ASAP1: variants seen among roughly 807,000 people sequenced by gnomAD.
ASAP1 encodes the protein ArfGAP with SH3 domain, ankyrin repeat and PH domain 1, also known as arf-GAP with SH3 domain, ANK repeat and PH domain-containing protein 1.
In ASAP1, 43 loss-of-function variants were observed where a neutral mutation model predicts 145.2. The observed-to-expected ratio is 0.30, with a 90% CI of 0.23 to 0.38. The LOEUF (loss-of-function observed/expected upper bound fraction) is 0.38, where lower values mean the gene tolerates loss of function less well. Ranked by LOEUF, ASAP1 falls within the 10% of genes least tolerant of loss-of-function variation. The pLI, the probability that ASAP1 is intolerant of heterozygous loss-of-function variation, is 1.00. For synonymous variants in ASAP1, 546 were observed against 515.5 expected (o/e 1.06, Z -0.80); for missense variants, 1,018 against 1,355.3 (o/e 0.75, Z 3.91).
chr8:130,112,477 A>T, intron 23 of ASAP1, 155 bp from the exon 24 acceptor site: 1 of 606,380 alleles, frequency 1.6e-6, no homozygotes, highest in Non-Finnish European at 2.9e-6. Context: ...ATGCTGACAC[A>T]GTACAAGGGA....
chr8:130,430,312 T>C (rs1197584367), intron 1 of ASAP1, among the ~76,000 whole-genome samples: 1 of 152,180 alleles, frequency 6.6e-6, no homozygotes, highest in Non-Finnish European at 1.5e-5. Flanking sequence ...AAAGAAAACC[T>C]GTGTGTTTGT....
intron 5 of ASAP1, among the ~76,000 whole-genome samples, chr8:130,213,755 T>TA (rs1377331136): frequency 1.5e-4 from 23 of 152,222 alleles, no homozygotes; most frequent in Admixed American, 3.9e-4. Flanking sequence ...GGGTGGCTCT[T>TA]AGAGAAATAA....
chr8:130,265,167 G>A (rs1820167523), intron 3 of ASAP1, among the ~76,000 whole-genome samples: 1 of 152,182 alleles, frequency 6.6e-6, no homozygotes, highest in African/African-American at 2.4e-5. Context: ...AGCACCTAGA[G>A]CAGGCAGAAT....
At chr8:130,347,443 T>C (rs1825762633) in intron 3 of ASAP1, among the ~76,000 whole-genome samples, 1 of 152,212 alleles carries the variant, frequency 6.6e-6, no homozygotes, top group Admixed American at 6.5e-5. Flanking sequence ...TTCCTACTGA[T>C]TCTCCCAACA....
intron 5 of ASAP1, among the ~76,000 whole-genome samples, chr8:130,199,467 C>T (rs1026653857): frequency 1.3e-5 from 2 of 152,310 alleles, no homozygotes; most frequent in Non-Finnish European, 2.9e-5. Flanking sequence ...GTTAGAACTG[C>T]TCCCAGGATA....
At chr8:130,120,656 A>G (rs1273329891) in intron 18 of ASAP1, among the ~76,000 whole-genome samples, 1 of 152,216 alleles carries the variant, frequency 6.6e-6, no homozygotes, top group Non-Finnish European at 1.5e-5. Flanking sequence ...GTCACTGGAA[A>G]TATCATGCAG....
intron 15 of ASAP1, among the ~76,000 whole-genome samples, chr8:130,132,635 A>C (rs895694209): frequency 8.5e-5 from 13 of 152,300 alleles, no homozygotes; most frequent in African/African-American, 3.1e-4. Context: ...CACCTGCACC[A>C]TGTCGTACCA....
At chr8:130,330,140 G>A (rs1015839497) in intron 3 of ASAP1, among the ~76,000 whole-genome samples, 12 of 152,192 alleles carry the variant, frequency 7.9e-5, no homozygotes, top group African/African-American at 2.9e-4. Context: ...AACAGAGAAA[G>A]ACACACATGT....
At chr8:130,432,949 G>T (rs1469309697) in intron 1 of ASAP1, among the ~76,000 whole-genome samples, 1 of 152,110 alleles carries the variant, frequency 6.6e-6, no homozygotes, top group Non-Finnish European at 1.5e-5. Context: ...AAAGATGTTG[G>T]GTAAGCAACC....
At chr8:130,342,932 AACTAATTC>A in intron 3 of ASAP1, among the ~76,000 whole-genome samples, 1 of 152,282 alleles carries the variant, frequency 6.6e-6, no homozygotes, top group East Asian at 1.9e-4. Flanking sequence ...GAAGCAACCA[AACTAATTC>A]ACAACCATGT....
chr8:130,356,655 G>C (rs116003249), intron 3 of ASAP1, among the ~76,000 whole-genome samples: 2,263 of 152,284 alleles, frequency 0.015, 28 homozygotes, highest in East Asian at 0.052. Context: ...ACTGACTCCA[G>C]AGAGAACTCT....
At chr8:130,441,777 G>A (rs573703551) in intron 1 of ASAP1, among the ~76,000 whole-genome samples, 1 of 152,252 alleles carries the variant, frequency 6.6e-6, no homozygotes, top group South Asian at 2.1e-4. Flanking sequence ...GCAAGCTTGC[G>A]AAAAGTCCTT....
chr8:130,139,797 G>A (rs1037773106), intron 13 of ASAP1, among the ~76,000 whole-genome samples: 1 of 150,718 alleles, frequency 6.6e-6, no homozygotes, highest in Non-Finnish European at 1.5e-5. Flanking sequence ...GTAATTTTTA[G>A]ACACTATTCA....
At chr8:130,153,332 A>AATATATATATATATAT (rs67554567) in intron 12 of ASAP1, among the ~76,000 whole-genome samples, 5 of 87,516 alleles carry the variant, frequency 5.7e-5, no homozygotes, top group South Asian at 4.4e-4. Context: ...CTGCTTTTTA[A>AATATATATATATATAT]ATATATATAT....
chr8:130,160,285 A>G (rs1434201708), intron 11 of ASAP1, among the ~76,000 whole-genome samples: 2 of 152,210 alleles, frequency 1.3e-5, no homozygotes, highest in Admixed American at 1.3e-4. Flanking sequence ...AGTTTACACT[A>G]GCGGCAGAGG....
intron 3 of ASAP1, among the ~76,000 whole-genome samples, chr8:130,284,809 G>A (rs1821497174): frequency 6.6e-6 from 1 of 150,840 alleles, no homozygotes; most frequent in South Asian, 2.1e-4. Context: ...ATCTCCTCAT[G>A]GGGTAGTAAA....
At chr8:130,237,094 C>A in intron 3 of ASAP1, 100 bp from the exon 4 acceptor site, 2 of 832,450 alleles carry the variant, frequency 2.4e-6, no homozygotes, top group Non-Finnish European at 3.6e-6. Flanking sequence ...TCCTGAGTAC[C>A]AAAGCAACAG....
At position 130,315,747 on chromosome 8, in the gene ASAP1, C is replaced by T. The variant is rs996359877; in HGVS notation, c.186+42270G>A. ...ATGGAATGACTATTACAGTGTATGGCGTACAGAGGAAATTGGAAAATGCAA... is the reference window on the plus strand; with the variant it reads ...ATGGAATGACTATTACAGTGTATGGTGTACAGAGGAAATTGGAAAATGCAA... On this transcript the variant is annotated intron_variant, in intron 3 of 29. Transcript: ENST00000518721. 3.9e-5 allele frequency among the ~76,000 whole-genome samples: 6 copies of T among 152,282 alleles called. No homozygotes were observed. In the South Asian group the frequency reaches 6.2e-4, roughly 16 times the overall value.
At chr8:130,064,893 A>ATGTGTGTG (rs34905534) in intron 27 of ASAP1, among the ~76,000 whole-genome samples, 3,834 of 142,590 alleles carry the variant, frequency 0.027, 65 homozygotes, top group African/African-American at 0.031. Context: ...TTTACTAAGA[A>ATGTGTGTG]TGTGTGTGTG....
Sources: gnomAD v4.1 joint callset for allele counts (sites outside exome capture counted in the v4.1 genomes callset) on GRCh38, gnomAD v4.1.1 for gene constraint, MANE v1.5 for transcripts, NCBI Gene and HGNC (gene_info 2026-07-23, HGNC 2026-07-21) for gene names.